The following CSNK1G2 variants were observed in gnomAD, a reference collection of about 807,000 sequenced individuals.
The protein encoded by CSNK1G2 is casein kinase 1 gamma 2, also known as casein kinase I isoform gamma-2.
A neutral mutation model predicts 48.0 loss-of-function variants in CSNK1G2; 11 were observed. That is an observed-to-expected ratio of 0.23 (90% CI 0.14 to 0.38). CSNK1G2 has a LOEUF of 0.38. CSNK1G2 is among the 10% of genes least tolerant of loss of function. The pLI is 1.00. For missense variants in CSNK1G2, 446 were observed against 595.5 expected, an observed-to-expected ratio of 0.75 and a Z score of 2.61; for synonymous variants, 337 against 254.1, an observed-to-expected ratio of 1.33 and a Z score of -3.10.
chr19:1,973,086 C>G (rs1299371971), intron 2 of CSNK1G2, among the ~76,000 whole-genome samples: 1 of 151,722 alleles, frequency 6.6e-6, no homozygotes, highest in Non-Finnish European at 1.5e-5. Flanking sequence ...CGCCACCACA[C>G]CCAGCTAATT....
intron 2 of CSNK1G2, among the ~76,000 whole-genome samples, chr19:1,972,282 C>T (rs926002330): frequency 2.0e-5 from 3 of 152,206 alleles, no homozygotes; most frequent in African/African-American, 4.8e-5. Context: ...AACTAACTGC[C>T]CAAATAGAAC....
intron 1 of CSNK1G2, among the ~76,000 whole-genome samples, chr19:1,943,547 A>C (rs1389781840): frequency 6.6e-6 from 1 of 151,692 alleles, no homozygotes; most frequent in African/African-American, 2.4e-5. Flanking sequence ...TCCCAAGCTT[A>C]GGGGAAGCCA....
chr19:1,952,190 A>G (rs572381982), intron 1 of CSNK1G2, among the ~76,000 whole-genome samples: 15 of 152,340 alleles, frequency 9.8e-5, no homozygotes, highest in East Asian at 1.9e-4. Context: ...TTGGCCCCTC[A>G]GTGGGCAGTG....
intron 1 of CSNK1G2, among the ~76,000 whole-genome samples, chr19:1,956,432 G>A (rs1042467529): frequency 1.3e-5 from 2 of 152,200 alleles, no homozygotes; most frequent in African/African-American, 4.8e-5. Flanking sequence ...CGGGAAAATT[G>A]CTTGAACTCG....
chr19:1,965,386 A>T (rs948805642), intron 1 of CSNK1G2, among the ~76,000 whole-genome samples: 2 of 149,154 alleles, frequency 1.3e-5, no homozygotes, highest in Non-Finnish European at 3.0e-5. Context: ...CCGTTTCCAA[A>T]AAAAAAAAAA....
intron 7 of CSNK1G2, 34 bp downstream of exon 7, chr19:1,979,282 G>A (rs751596129): frequency 6.4e-7 from 1 of 1,570,900 alleles, no homozygotes; most frequent in Non-Finnish European, 8.6e-7. Context: ...GGGCGGGGAC[G>A]CAGGGCGGGA....
intron 2 of CSNK1G2, among the ~76,000 whole-genome samples, chr19:1,977,746 G>A (rs572696446): frequency 8.4e-6 from 1 of 118,930 alleles, no homozygotes; most frequent in East Asian, 2.9e-4. Context: ...GAGCGACACC[G>A]TCTCAAAAAA....
intron 1 of CSNK1G2, among the ~76,000 whole-genome samples, chr19:1,965,898 G>T (rs2015351003): frequency 6.6e-6 from 1 of 152,184 alleles, no homozygotes. Context: ...CCAGGCTCAA[G>T]CGATCCTCTC....
At position 1,969,794 on chromosome 19, in the gene CSNK1G2, G is replaced by A; in HGVS notation, c.22G>A (p.Gly8Arg). The stretch of plus-strand genomic sequence containing the variant: ...ACTTATGGATTTTGACAAGAAAGGA[G>A]GGAAAGGGGAGACGGAGGAGGGCCG... MDFDKKGGKGETEEGRRM... is the reference protein window; with the variant it reads MDFDKKGRKGETEEGRRM... Residue 8 changes from glycine (G) to arginine (R), a missense_variant, in exon 2 of 12, where the codon GGG (glycine) becomes AGG (arginine). Physicochemically the swap from Gly to Arg is moderately radical, Grantham distance 125 (BLOSUM62 -2). Coordinates refer to ENST00000255641, the MANE Select transcript of CSNK1G2 (RefSeq NM_001319.7). The A allele has an allele frequency of 1.5e-6, 2 of 1,308,528 alleles. No homozygotes were observed. The highest frequency in any genetic ancestry group is 2.0e-6 in the Non-Finnish European group (2 of 1,020,098). The allele number at this position is 1,308,528 out of a possible 1,614,324, so 81.1% of individuals were successfully genotyped here. A position where few individuals can be genotyped will look rare whatever the true frequency, so the allele number is the denominator to read the frequency against.
At position 1,980,393 on chromosome 19, in the gene CSNK1G2, T is replaced by A. The variant is rs538826391; in HGVS notation, c.*190T>A. On this transcript the variant is annotated 3_prime_UTR_variant, in exon 12 of 12. Transcript: ENST00000255641. Reference sequence around the variant, plus strand: ...GGGACGTGGGGTCACTTCCTTCATGTAAGACTTTGGCCGAAATTTCTACAC... The same window carrying A: ...GGGACGTGGGGTCACTTCCTTCATGAAAGACTTTGGCCGAAATTTCTACAC... 3 of 686,630 alleles carry A rather than the reference T, an allele frequency of 4.4e-6. No individual in the cohort carries two copies. The South Asian group carries it at 4.9e-5, about 11-fold the overall frequency. The allele number at this position is 686,630 out of a possible 1,614,324, so 42.5% of individuals were successfully genotyped here.
chr19:1,960,092 G>A (rs561916471), intron 1 of CSNK1G2, among the ~76,000 whole-genome samples: 3 of 152,330 alleles, frequency 2.0e-5, no homozygotes, highest in Admixed American at 6.5e-5. Flanking sequence ...TGTAGGGTCC[G>A]GAGCTTCCCT....
chr19:1,976,128 G>A (rs756872705), intron 2 of CSNK1G2: 927 of 1,287,358 alleles, frequency 7.2e-4, no homozygotes, highest in Non-Finnish European at 8.9e-4. Flanking sequence ...TAGTTCTGGG[G>A]CCTCGGCAAT....
chr19:1,961,093 G>A lies in CSNK1G2; in HGVS notation c.-265-8415G>A, dbSNP rs545223705. 5.3e-5 allele frequency among the ~76,000 whole-genome samples: 8 copies of A among 152,354 alleles called. No homozygotes were observed. In the East Asian group the frequency reaches 1.5e-3, roughly 29 times the overall value. On this transcript the variant is annotated intron_variant, in intron 1 of 11. Transcript: ENST00000255641. ...TCGCCCCCGCATGGTGGTCCTCTGC[G>A]GAAGTCCCCCTGTCCGTCCCGTTGG...
At chr19:1,979,424 C>CCCCCGGGGGGCCG in intron 8 of CSNK1G2, 21 bp downstream of exon 8, 1 of 1,538,540 alleles carries the variant, frequency 6.5e-7, no homozygotes, top group South Asian at 1.2e-5. Context: ...CCTGCGCCCC[C>CCCCCGGGGGGCCG]GCCCTGTGCC....
At chr19:1,968,540 C>T (rs1053723348) in intron 1 of CSNK1G2, among the ~76,000 whole-genome samples, 11 of 152,222 alleles carry the variant, frequency 7.2e-5, no homozygotes, top group Non-Finnish European at 1.6e-4. Context: ...CACGGCGTTT[C>T]TCTGTGGGTG....
At position 1,952,783 on chromosome 19, in the gene CSNK1G2, G is replaced by A. The variant is rs1599289642; in HGVS notation, c.-266+11365G>A. 4 of 316,012 alleles carry A rather than the reference G, an allele frequency of 1.3e-5. No homozygotes were observed. The East Asian group carries it at 4.2e-4, about 33-fold the overall frequency. The allele number at this position is 316,012 out of a possible 1,614,324, so 19.6% of individuals were successfully genotyped here. A position where few individuals can be genotyped will look rare whatever the true frequency, so the allele number is the denominator to read the frequency against. On this transcript the variant is annotated intron_variant, in intron 1 of 11. Transcript: ENST00000255641. ...AGGCCAGGGGATATAGAAGACCTGG[G>A]CAGCTCCCCAGGACCAAGCCCTCTC...
chr19:1,960,208 G>C (rs1296479970), intron 1 of CSNK1G2, among the ~76,000 whole-genome samples: 2 of 152,220 alleles, frequency 1.3e-5, no homozygotes, highest in Non-Finnish European at 2.9e-5. Flanking sequence ...GTACATCCGG[G>C]ACCTGGGGCC....
chr19:1,967,462 G>A (rs2015399239), intron 1 of CSNK1G2, among the ~76,000 whole-genome samples: 2 of 152,152 alleles, frequency 1.3e-5, no homozygotes, highest in South Asian at 4.1e-4. Flanking sequence ...CTAGAATGGG[G>A]CCAGGGGTGG....
chr19:1,964,292 T>TAA (rs538395335), intron 1 of CSNK1G2, among the ~76,000 whole-genome samples: 197 of 138,516 alleles, frequency 1.4e-3, no homozygotes, highest in African/African-American at 5.3e-3. Context: ...GACCCTGTGT[T>TAA]AAAAAAAAAA....
Sources: gnomAD v4.1 joint callset for allele counts (sites outside exome capture counted in the v4.1 genomes callset) on GRCh38, gnomAD v4.1.1 for gene constraint, MANE v1.5 for transcripts, NCBI Gene and HGNC (gene_info 2026-07-23, HGNC 2026-07-21) for gene names.